The following GALNT17 variants were observed in gnomAD, a reference collection of about 807,000 sequenced individuals.
GALNT17 encodes UDP-GalNAc:polypeptide N-acetylgalactosaminyltransferase-like 3.
Under a neutral mutation model 63.7 loss-of-function variants are expected in GALNT17, and 29 were observed. The observed-to-expected ratio is 0.46, with a 90% CI of 0.34 to 0.62. The LOEUF (loss-of-function observed/expected upper bound fraction) is 0.62, where lower values mean the gene tolerates loss of function less well. Among genes scored for constraint, GALNT17 ranks in the 20% least tolerant of loss-of-function variants. GALNT17 has a pLI of 0.01. For synonymous variants in GALNT17, 305 were observed against 318.3 expected, an observed-to-expected ratio of 0.96 and a Z score of 0.45; for missense variants, 603 against 799.6, an observed-to-expected ratio of 0.75 and a Z score of 2.97.
chr7:71,526,219 G>C (rs976583695), intron 5 of GALNT17, among the ~76,000 whole-genome samples: 7 of 152,128 alleles, frequency 4.6e-5, no homozygotes, highest in Non-Finnish European at 1.0e-4. Flanking sequence ...TCCTGGAAGA[G>C]AGTTGATGTG....
chr7:71,184,767 A>G (rs1788799710), intron 1 of GALNT17, among the ~76,000 whole-genome samples: 1 of 152,278 alleles, frequency 6.6e-6, no homozygotes, highest in East Asian at 1.9e-4. Flanking sequence ...GTGCTGTGTC[A>G]GTTGCATTAG....
intron 1 of GALNT17, among the ~76,000 whole-genome samples, chr7:71,285,945 T>A (rs1168054855): frequency 5.3e-5 from 8 of 152,312 alleles, no homozygotes; most frequent in African/African-American, 1.9e-4. Context: ...CTCAGCAATA[T>A]ATGGAAGACT....
intron 6 of GALNT17, among the ~76,000 whole-genome samples, chr7:71,572,504 TAAAAAAAA>T (rs371372359): frequency 6.7e-5 from 3 of 44,494 alleles, no homozygotes; most frequent in East Asian, 7.7e-4. Flanking sequence ...CCTGTCTCAT[TAAAAAAAA>T]AAAAAAAAAA....
chr7:71,364,190 T>C (rs1272332546), intron 2 of GALNT17, among the ~76,000 whole-genome samples: 2 of 152,128 alleles, frequency 1.3e-5, no homozygotes, highest in East Asian at 1.9e-4. Flanking sequence ...CCAAAGTCCA[T>C]TGTATCATTC....
At chr7:71,243,970 A>G (rs528804019) in intron 1 of GALNT17, among the ~76,000 whole-genome samples, 34 of 152,146 alleles carry the variant, frequency 2.2e-4, no homozygotes, top group Non-Finnish European at 4.3e-4. Flanking sequence ...AATGGAACCG[A>G]TGTGGATGAC....
At chr7:71,615,933 G>A (rs754403185) in intron 6 of GALNT17, among the ~76,000 whole-genome samples, 9 of 152,254 alleles carry the variant, frequency 5.9e-5, no homozygotes, top group South Asian at 4.1e-4. Context: ...AGGAGGTGTC[G>A]TCTTGCCCAC....
At chr7:71,203,958 C>T (rs928816198) in intron 1 of GALNT17, among the ~76,000 whole-genome samples, 1 of 152,040 alleles carries the variant, frequency 6.6e-6, no homozygotes, top group Non-Finnish European at 1.5e-5. Flanking sequence ...CTTTTGTTGT[C>T]TGTGCTTTTG....
intron 1 of GALNT17, among the ~76,000 whole-genome samples, chr7:71,234,179 A>G (rs1417159975): frequency 6.6e-6 from 1 of 152,170 alleles, no homozygotes; most frequent in African/African-American, 2.4e-5. Flanking sequence ...CCAGGCTACA[A>G]TCGGAGAGCT....
chr7:71,309,607 A>T (rs1365682400), intron 1 of GALNT17, among the ~76,000 whole-genome samples: 1 of 152,112 alleles, frequency 6.6e-6, no homozygotes, highest in Non-Finnish European at 1.5e-5. Context: ...TAATTTCAAG[A>T]ATTATTTGAG....
At chr7:71,381,098 C>CT (rs1301057237) in intron 2 of GALNT17, among the ~76,000 whole-genome samples, 1 of 151,966 alleles carries the variant, frequency 6.6e-6, no homozygotes, top group Non-Finnish European at 1.5e-5. Context: ...GTAGCTGGGA[C>CT]TACAGGTGTG....
chr7:71,415,995 G>A lies in GALNT17; in HGVS notation c.696G>A (p.Glu232=), dbSNP rs141776296. 4 of 1,613,680 alleles carry A rather than the reference G, an allele frequency of 2.5e-6. No individual in the cohort carries two copies. In the African/African-American group the frequency reaches 5.3e-5, roughly 22 times the overall value. ...KREGLIRARI[E]GWKVATGQVT... is the part of the protein sequence containing the mutation. ...AAGGCCTGATCCGCGCTCGCATTGA[G>A]GGCTGGAAGGTGGCTACCGGGCAGG... Residue 232 remains glutamate (E), a synonymous_variant, in exon 4 of 11, where the codon GAG becomes GAA. Transcript: ENST00000333538.
intron 1 of GALNT17, among the ~76,000 whole-genome samples, chr7:71,239,448 G>A (rs547114611): frequency 2.0e-5 from 3 of 152,196 alleles, no homozygotes; most frequent in Non-Finnish European, 2.9e-5. Context: ...CCCCAGCCTA[G>A]ACAACAGAGA....
chr7:71,242,925 C>A (rs563738503), intron 1 of GALNT17, among the ~76,000 whole-genome samples: 14 of 152,354 alleles, frequency 9.2e-5, no homozygotes, highest in African/African-American at 3.1e-4. Flanking sequence ...TGGTTTACAG[C>A]TAGTTAGGCC....
intron 6 of GALNT17, among the ~76,000 whole-genome samples, chr7:71,662,075 C>T (rs1282080962): frequency 6.6e-6 from 1 of 152,164 alleles, no homozygotes; most frequent in African/African-American, 2.4e-5. Flanking sequence ...GAAAGCCATC[C>T]TGACCTTGGT....
chr7:71,448,025 A>G (rs1293983290), intron 5 of GALNT17, among the ~76,000 whole-genome samples: 1 of 152,090 alleles, frequency 6.6e-6, no homozygotes, highest in Non-Finnish European at 1.5e-5. Context: ...TTATTGGTGC[A>G]TATCTTCAAA....
At chr7:71,507,251 TAAATA>T (rs1159688095) in intron 5 of GALNT17, among the ~76,000 whole-genome samples, 6 of 152,040 alleles carry the variant, frequency 3.9e-5, no homozygotes, top group Non-Finnish European at 5.9e-5. Flanking sequence ...AATAAATAAG[TAAATA>T]AAATAAAAGG....
chr7:71,541,260 C>T (rs999833070), intron 5 of GALNT17, among the ~76,000 whole-genome samples: 43 of 144,004 alleles, frequency 3.0e-4, no homozygotes, highest in African/African-American at 9.8e-4. Context: ...AAAAAAAATG[C>T]TGCGTATGAT....
At chr7:71,216,065 A>AATG (rs147593554) in intron 1 of GALNT17, among the ~76,000 whole-genome samples, 2 of 151,248 alleles carry the variant, frequency 1.3e-5, no homozygotes, top group East Asian at 2.0e-4. Flanking sequence ...TAATAATAAT[A>AATG]AAAAAGCCAA....
chr7:71,165,020 G>T, intron 1 of GALNT17, among the ~76,000 whole-genome samples: 1 of 152,174 alleles, frequency 6.6e-6, no homozygotes, highest in East Asian at 1.9e-4. Context: ...TTCACATTTT[G>T]AATGCATTAC....
Sources: allele counts gnomAD v4.1 joint callset (sites outside exome capture counted in the v4.1 genomes callset), GRCh38; gene constraint gnomAD v4.1.1; transcripts MANE v1.5; gene names NCBI Gene and HGNC (gene_info 2026-07-23, HGNC 2026-07-21).